Variants in DNAJC5B observed in about 807,000 individuals in gnomAD.
DNAJC5B encodes the protein dnaJ homolog subfamily C member 5B.
A neutral mutation model predicts 24.7 loss-of-function variants in DNAJC5B; 23 were observed. The observed-to-expected ratio is 0.93, with a 90% CI of 0.67 to 1.32. The LOEUF (loss-of-function observed/expected upper bound fraction) is 1.32. DNAJC5B is among the 40% of genes most tolerant of loss of function. The pLI is 0.00. For missense variants in DNAJC5B, 238 were observed against 240.8 expected, an observed-to-expected ratio of 0.99 and a Z score of 0.08; for synonymous variants, 101 against 90.1, an observed-to-expected ratio of 1.12 and a Z score of -0.68.
chr8:66,097,115 T>G (rs1421577024), intron 5 of DNAJC5B, among the ~76,000 whole-genome samples: 1 of 152,092 alleles, frequency 6.6e-6, no homozygotes, highest in Non-Finnish European at 1.5e-5. Context: ...CTGCTGGACA[T>G]GTAATAAGAT....
At chr8:66,038,056 C>T (rs907547614) in intron 1 of DNAJC5B, among the ~76,000 whole-genome samples, 4 of 152,200 alleles carry the variant, frequency 2.6e-5, no homozygotes, top group African/African-American at 9.7e-5. Context: ...TTCCCTTTGT[C>T]ATTTACAATT....
At chr8:66,096,245 C>A (rs1341199241) in intron 5 of DNAJC5B, among the ~76,000 whole-genome samples, 1 of 152,108 alleles carries the variant, frequency 6.6e-6, no homozygotes, top group East Asian at 1.9e-4. Flanking sequence ...TGTAAGGACA[C>A]CAGTCCTGTT....
chr8:66,076,897 A>G, intron 4 of DNAJC5B, 24 bp downstream of exon 4: 1 of 1,612,278 alleles, frequency 6.2e-7, no homozygotes, highest in African/African-American at 1.3e-5. Flanking sequence ...TCCTTTCTTC[A>G]CAATCTCCTG....
intron 3 of DNAJC5B, 145 bp downstream of exon 3, chr8:66,051,811 T>C (rs1806852238): frequency 1.5e-6 from 1 of 657,858 alleles, no homozygotes; most frequent in Admixed American, 2.7e-5. Context: ...AACATAGGAG[T>C]TAGGAATGGA....
intron 3 of DNAJC5B, among the ~76,000 whole-genome samples, chr8:66,074,187 A>G (rs1162884610): frequency 6.6e-6 from 1 of 152,252 alleles, no homozygotes; most frequent in African/African-American, 2.4e-5. Context: ...CGAGATTGAC[A>G]GACATTAAAA....
chr8:66,080,615 C>G, intron 5 of DNAJC5B, 67 bp downstream of exon 5: 1 of 1,383,178 alleles, frequency 7.2e-7, no homozygotes. Flanking sequence ...CCAGGTCCCA[C>G]GGGGACAGCT....
intron 5 of DNAJC5B, among the ~76,000 whole-genome samples, chr8:66,089,301 C>T (rs1268481007): frequency 6.6e-6 from 1 of 152,182 alleles, no homozygotes; most frequent in African/African-American, 2.4e-5. Context: ...GATCCAATCA[C>T]CTCCCTTGAC....
chr8:66,097,425 T>C (rs1469857246), intron 5 of DNAJC5B, among the ~76,000 whole-genome samples: 1 of 152,054 alleles, frequency 6.6e-6, no homozygotes, highest in Non-Finnish European at 1.5e-5. Context: ...AACCTATTTC[T>C]GACTTATACA....
At chr8:66,083,856 C>T (rs954468756) in intron 5 of DNAJC5B, among the ~76,000 whole-genome samples, 3 of 152,202 alleles carry the variant, frequency 2.0e-5, no homozygotes, top group African/African-American at 7.2e-5. Context: ...TGCTGCCACT[C>T]ATCAGACAGA....
At chr8:66,085,079 T>C (rs969174284) in intron 5 of DNAJC5B, among the ~76,000 whole-genome samples, 1 of 152,210 alleles carries the variant, frequency 6.6e-6, no homozygotes, top group East Asian at 1.9e-4. Context: ...ATGTTCTCTG[T>C]ATCCTCTACA....
chr8:66,082,146 T>C (rs1240998774), intron 5 of DNAJC5B, among the ~76,000 whole-genome samples: 2 of 152,012 alleles, frequency 1.3e-5, no homozygotes, highest in African/African-American at 4.8e-5. Flanking sequence ...CCATAGACCA[T>C]AGGATCTCCC....
At chr8:66,068,302 A>G (rs550060425) in intron 3 of DNAJC5B, among the ~76,000 whole-genome samples, 1 of 152,324 alleles carries the variant, frequency 6.6e-6, no homozygotes, top group African/African-American at 2.4e-5. Context: ...GACCAAGAAG[A>G]TAAAATATGA....
intron 3 of DNAJC5B, among the ~76,000 whole-genome samples, chr8:66,065,862 G>A (rs1265037619): frequency 1.3e-5 from 2 of 152,092 alleles, no homozygotes; most frequent in African/African-American, 2.4e-5. Flanking sequence ...AGGGGCTTAC[G>A]GGTCTAGTTA....
chr8:66,048,472 G>A (rs1806773338), intron 2 of DNAJC5B, among the ~76,000 whole-genome samples: 1 of 152,100 alleles, frequency 6.6e-6, no homozygotes, highest in African/African-American at 2.4e-5. Context: ...TTTACAGAGG[G>A]CTTATGCAAA....
At chr8:66,027,502 G>A (rs1022873876) in intron 1 of DNAJC5B, among the ~76,000 whole-genome samples, 1 of 152,214 alleles carries the variant, frequency 6.6e-6, no homozygotes, top group East Asian at 1.9e-4. Context: ...TTTAAGTGGT[G>A]TGGAGTACTA....
chr8:66,085,216 G>A (rs953061205), intron 5 of DNAJC5B, among the ~76,000 whole-genome samples: 1 of 152,142 alleles, frequency 6.6e-6, no homozygotes, highest in East Asian at 1.9e-4. Context: ...GAGGCTGGTG[G>A]ATCGCTTGAG....
intron 1 of DNAJC5B, among the ~76,000 whole-genome samples, chr8:66,042,923 C>G (rs1806645712): frequency 6.6e-6 from 1 of 151,900 alleles, no homozygotes; most frequent in Admixed American, 6.6e-5. Context: ...CCTCCAGGAC[C>G]CCACTGTGCC....
intron 1 of DNAJC5B, among the ~76,000 whole-genome samples, chr8:66,037,741 G>A (rs1024440227): frequency 6.6e-6 from 1 of 152,232 alleles, no homozygotes; most frequent in Non-Finnish European, 1.5e-5. Flanking sequence ...GAAAGCAGAC[G>A]GCTTTGCAGA....
At chr8:66,024,310 T>C (rs1806205794) in intron 1 of DNAJC5B, among the ~76,000 whole-genome samples, 1 of 152,108 alleles carries the variant, frequency 6.6e-6, no homozygotes, top group South Asian at 2.1e-4. Flanking sequence ...TTGTGTAATA[T>C]ACTGAGTAAT....
Sources: allele counts gnomAD v4.1 joint callset (sites outside exome capture counted in the v4.1 genomes callset), GRCh38; gene constraint gnomAD v4.1.1; transcripts MANE v1.5; gene names NCBI Gene and HGNC (gene_info 2026-07-23, HGNC 2026-07-21).